The following DGKB variants were observed in gnomAD, a reference collection of about 807,000 sequenced individuals.
The protein encoded by DGKB is diacylglycerol kinase beta.
DGKB carries 67 observed loss-of-function variants against 114.3 expected under a neutral mutation model. The ratio of observed to expected loss-of-function variants is 0.59; its 90% CI spans 0.48 to 0.72. DGKB has a LOEUF of 0.72. DGKB is among the 30% of genes least tolerant of loss of function. DGKB has a pLI of 0.00. For synonymous variants in DGKB, 398 were observed against 323.1 expected (o/e 1.23, Z -2.49); for missense variants, 907 against 975.2 (o/e 0.93, Z 0.93).
intron 1 of DGKB, among the ~76,000 whole-genome samples, chr7:14,856,591 G>A (rs1205000410): frequency 6.6e-6 from 1 of 151,906 alleles, no homozygotes; most frequent in African/African-American, 2.4e-5. Context: ...TTTTTCAGAT[G>A]TATTCATATT....
intron 23 of DGKB, among the ~76,000 whole-genome samples, chr7:14,201,151 T>G (rs1163866085): frequency 2.0e-5 from 3 of 151,988 alleles, no homozygotes; most frequent in African/African-American, 7.2e-5. Context: ...GGTGAGGGCC[T>G]GTTTCCTAGA....
intron 20 of DGKB, among the ~76,000 whole-genome samples, chr7:14,497,421 T>C (rs1785469120): frequency 6.6e-6 from 1 of 151,854 alleles, no homozygotes; most frequent in African/African-American, 2.4e-5. Context: ...GCCCTCTATA[T>C]TGAGACTGTG....
chr7:14,587,257 T>A (rs367995007), intron 17 of DGKB, among the ~76,000 whole-genome samples: 20 of 152,112 alleles, frequency 1.3e-4, no homozygotes, highest in African/African-American at 4.8e-4. Context: ...GTGGAGGAAG[T>A]CGCTGCAGAT....
intron 23 of DGKB, among the ~76,000 whole-genome samples, chr7:14,194,943 A>T (rs530889337): frequency 1.9e-4 from 29 of 151,820 alleles, no homozygotes; most frequent in Non-Finnish European, 3.8e-4. Flanking sequence ...TCACTGTGTT[A>T]TAGTGTACTT....
At chr7:14,668,379 A>G (rs1055946579) in intron 13 of DGKB, among the ~76,000 whole-genome samples, 1 of 152,114 alleles carries the variant, frequency 6.6e-6, no homozygotes, top group Non-Finnish European at 1.5e-5. Flanking sequence ...CTGAGATACA[A>G]CAGATAAAAT....
At chr7:14,232,568 C>T (rs1792077015) in intron 23 of DGKB, among the ~76,000 whole-genome samples, 1 of 151,710 alleles carries the variant, frequency 6.6e-6, no homozygotes, top group Non-Finnish European at 1.5e-5. Flanking sequence ...AAGAGTGAAC[C>T]AAATGCATCT....
chr7:14,881,760 A>G (rs1474185352), intron 1 of DGKB, among the ~76,000 whole-genome samples: 1 of 152,082 alleles, frequency 6.6e-6, no homozygotes, highest in Non-Finnish European at 1.5e-5. Flanking sequence ...TAGAAGACTG[A>G]GTGAAATGCT....
At chr7:14,606,840 G>C (rs1804606496) in intron 17 of DGKB, among the ~76,000 whole-genome samples, 1 of 151,974 alleles carries the variant, frequency 6.6e-6, no homozygotes, top group African/African-American at 2.4e-5. Flanking sequence ...AAGTATAAGA[G>C]AGTGATATTG....
intron 20 of DGKB, among the ~76,000 whole-genome samples, chr7:14,491,468 T>C (rs945990083): frequency 6.6e-6 from 1 of 152,090 alleles, no homozygotes; most frequent in African/African-American, 2.4e-5. Flanking sequence ...AGCATGGAAA[T>C]GGACTAATAC....
chr7:14,796,383 C>T (rs1192084406), intron 2 of DGKB, among the ~76,000 whole-genome samples: 5 of 152,184 alleles, frequency 3.3e-5, no homozygotes, highest in Non-Finnish European at 1.5e-5. Context: ...AAGTTGAACA[C>T]ACTTTCCACT....
intron 23 of DGKB, among the ~76,000 whole-genome samples, chr7:14,183,589 T>A (rs1350499966): frequency 6.6e-6 from 1 of 152,204 alleles, no homozygotes; most frequent in Non-Finnish European, 1.5e-5. Context: ...TTATAGGCAT[T>A]TTTCCATTTA....
chr7:14,871,969 G>A (rs7782555), intron 1 of DGKB, among the ~76,000 whole-genome samples: 55,693 of 151,770 alleles, frequency 0.37, 10,800 homozygotes, highest in East Asian at 0.61. Context: ...TGATTTATAC[G>A]GCACTTTGCC....
intron 5 of DGKB, 95 bp from the exon 6 acceptor site, chr7:14,718,780 G>T: frequency 1.1e-6 from 1 of 934,150 alleles, no homozygotes; most frequent in Non-Finnish European, 1.6e-6. Flanking sequence ...AGGCTACATA[G>T]AAATTTATAT....
chr7:14,721,237 C>T (rs765766840), intron 5 of DGKB, among the ~76,000 whole-genome samples: 4 of 152,172 alleles, frequency 2.6e-5, no homozygotes, highest in Non-Finnish European at 5.9e-5. Flanking sequence ...ACCATTTGTA[C>T]TTATACAACT....
chr7:14,506,261 G>A (rs1196465216), intron 20 of DGKB, among the ~76,000 whole-genome samples: 2 of 152,120 alleles, frequency 1.3e-5, no homozygotes, highest in African/African-American at 2.4e-5. Flanking sequence ...AAAGGATGTT[G>A]TCTTGACTCA....
chr7:14,306,732 C>A (rs1221650078), intron 23 of DGKB, among the ~76,000 whole-genome samples: 2 of 152,112 alleles, frequency 1.3e-5, no homozygotes, highest in South Asian at 2.1e-4. Context: ...TTTCACTTCA[C>A]TATACACCAA....
At chr7:14,324,222 A>T (rs1808333405) in intron 23 of DGKB, among the ~76,000 whole-genome samples, 1 of 152,006 alleles carries the variant, frequency 6.6e-6, no homozygotes, top group Admixed American at 6.6e-5. Context: ...GTCAAGGCCG[A>T]CAGATCACTT....
intron 9 of DGKB, among the ~76,000 whole-genome samples, chr7:14,688,764 T>C (rs1439608941): frequency 6.6e-6 from 1 of 152,150 alleles, no homozygotes; most frequent in East Asian, 1.9e-4. Flanking sequence ...AATAATGCTC[T>C]TCAGAACTTT....
intron 23 of DGKB, among the ~76,000 whole-genome samples, chr7:14,243,311 G>T (rs1375198155): frequency 6.6e-6 from 1 of 152,138 alleles, no homozygotes; most frequent in Non-Finnish European, 1.5e-5. Flanking sequence ...CTAGAAGCCT[G>T]TTGCTAGTGT....
Sources: gnomAD v4.1 joint callset for allele counts (sites outside exome capture counted in the v4.1 genomes callset) on GRCh38, gnomAD v4.1.1 for gene constraint, MANE v1.5 for transcripts, NCBI Gene and HGNC (gene_info 2026-07-23, HGNC 2026-07-21) for gene names.